Variants in GALNT16 observed in about 807,000 individuals in gnomAD.
GALNT16 encodes polypeptide N-acetylgalactosaminyltransferase 16.
In GALNT16, 40 loss-of-function variants were observed where a neutral mutation model predicts 76.1. That is an observed-to-expected ratio of 0.53 (90% confidence interval 0.41 to 0.68). The LOEUF (loss-of-function observed/expected upper bound fraction) is 0.68. GALNT16 is among the 30% of genes least tolerant of loss of function. The probability of loss-of-function intolerance (pLI) is 0.00; values close to 1 mark genes in which losing one functional copy is unlikely to be tolerated. For missense variants in GALNT16, 621 were observed against 731.9 expected, an observed-to-expected ratio of 0.85 and a Z score of 1.75; for synonymous variants, 276 against 285.2, an observed-to-expected ratio of 0.97 and a Z score of 0.32.
At chr14:69,316,068 T>C (rs1566876896) in intron 1 of GALNT16, among the ~76,000 whole-genome samples, 1 of 152,210 alleles carries the variant, frequency 6.6e-6, no homozygotes, top group Admixed American at 6.5e-5. Context: ...AGTAATGAGA[T>C]TGGCCTAGCC....
At chr14:69,267,666 A>C (rs375050101) in intron 1 of GALNT16, among the ~76,000 whole-genome samples, 22 of 152,284 alleles carry the variant, frequency 1.4e-4, no homozygotes, top group African/African-American at 5.3e-4. Flanking sequence ...GGCTGTCAGC[A>C]GGGGATGGAG....
At chr14:69,291,985 C>T (rs1349187659) in intron 1 of GALNT16, among the ~76,000 whole-genome samples, 1 of 152,166 alleles carries the variant, frequency 6.6e-6, no homozygotes, top group Non-Finnish European at 1.5e-5. Flanking sequence ...TTCAGATACC[C>T]CTCCTGGGCA....
intron 12 of GALNT16, among the ~76,000 whole-genome samples, chr14:69,344,761 A>G (rs1342856557): frequency 6.6e-6 from 1 of 152,208 alleles, no homozygotes; most frequent in Non-Finnish European, 1.5e-5. Context: ...AGGGAGTAGC[A>G]GGGTCTGGAA....
In GALNT16 at chr14:69,261,912, C is replaced by T. The variant is rs755014450; in HGVS notation, c.177+1445C>T. 2.3e-4 allele frequency among the ~76,000 whole-genome samples: 35 copies of T among 152,190 alleles called. No individual in the cohort carries two copies. Among genetic ancestry groups the T allele is most frequent in the Non-Finnish European group, 4.0e-4 (27 of 68,038 alleles). Reference sequence around the variant, plus strand: ...CCTTCTGGGCTGTTCTCCCAGGACACTGTTTCCAAAGCACTTGTCGCCCTT... The same window carrying T: ...CCTTCTGGGCTGTTCTCCCAGGACATTGTTTCCAAAGCACTTGTCGCCCTT... On this transcript the variant is annotated intron_variant, in intron 1 of 14. Coordinates refer to ENST00000448469, the MANE Select transcript of GALNT16 (RefSeq NM_001168368.2). This position sits in a 1 kb window ranked among gnomAD's most constrained non-coding sequence, Gnocchi z 6.4.
chr14:69,310,701 G>C (rs1363475703), intron 1 of GALNT16, among the ~76,000 whole-genome samples: 1 of 152,156 alleles, frequency 6.6e-6, no homozygotes, highest in Non-Finnish European at 1.5e-5. Flanking sequence ...TTTTCTGATG[G>C]AATGAAACTG....
chr14:69,371,504 C>A, the GALNT16 span, among the ~76,000 whole-genome samples: 1 of 151,842 alleles, frequency 6.6e-6, no homozygotes, highest in African/African-American at 2.4e-5. Flanking sequence ...GATCCACCCG[C>A]CTTGGCCTCC....
intron 1 of GALNT16, among the ~76,000 whole-genome samples, chr14:69,317,197 C>A (rs954120733): frequency 3.9e-5 from 6 of 152,174 alleles, no homozygotes; most frequent in African/African-American, 1.4e-4. Context: ...CAGCCAAGTG[C>A]CAAATGATGC....
At chr14:69,326,688 T>A (rs1217265729) in intron 5 of GALNT16, among the ~76,000 whole-genome samples, 1 of 152,198 alleles carries the variant, frequency 6.6e-6, no homozygotes, top group African/African-American at 2.4e-5. Flanking sequence ...AGCAAAGGCA[T>A]CAGTCAGGGG....
At chr14:69,359,818 A>T (rs1044531059), downstream of GALNT16, among the ~76,000 whole-genome samples, 1 of 152,114 alleles carries the variant, frequency 6.6e-6, no homozygotes, top group African/African-American at 2.4e-5. Context: ...CAAGGTCAGG[A>T]GATCGAGACC....
chr14:69,289,052 A>G (rs2044655722), intron 1 of GALNT16, among the ~76,000 whole-genome samples: 1 of 152,084 alleles, frequency 6.6e-6, no homozygotes, highest in East Asian at 1.9e-4. Context: ...TAATTTTTAA[A>G]TTTTTTGTAG....
chr14:69,381,811 C>A, the GALNT16 span, among the ~76,000 whole-genome samples: 1 of 152,138 alleles, frequency 6.6e-6, no homozygotes, highest in African/African-American at 2.4e-5. Flanking sequence ...GCCTCAGCCT[C>A]CTGAGTAGGT....
At chr14:69,325,527 G>C (rs1268025746) in intron 4 of GALNT16, 123 bp downstream of exon 4, 12 of 717,148 alleles carry the variant, frequency 1.7e-5, no homozygotes, top group Non-Finnish European at 3.1e-5. Context: ...CCCCCAGCAG[G>C]GATCCTGTCT....
chr14:69,374,336 TAA>T, the GALNT16 span, among the ~76,000 whole-genome samples: 1 of 152,244 alleles, frequency 6.6e-6, no homozygotes, highest in South Asian at 2.1e-4. Flanking sequence ...CTTCATGTAC[TAA>T]AGTTTATGCT....
rs891201349 is a variant in GALNT16, at chr14:69,352,503, C to T, written c.*335C>T. ...CTGGGACAATAGTGTGTGGTCTCTC[C>T]CTTGTTGCCCGGAGAAAGCAAGGAC... On this transcript the variant is annotated 3_prime_UTR_variant, in exon 15 of 15. Transcript: ENST00000448469. 1 of 212,888 alleles carries T rather than the reference C, an allele frequency of 4.7e-6. No individual in the cohort carries two copies. Among genetic ancestry groups the T allele is most frequent in the African/African-American group, 2.3e-5 (1 of 43,542 alleles). 13.2% of individuals were successfully genotyped at this position (212,888 alleles called of 1,614,324 possible). A position where few individuals can be genotyped will look rare whatever the true frequency, so the allele number is the denominator to read the frequency against.
At chr14:69,370,824 C>T in the GALNT16 span, among the ~76,000 whole-genome samples, 1 of 152,164 alleles carries the variant, frequency 6.6e-6, no homozygotes, top group Non-Finnish European at 1.5e-5. Flanking sequence ...GGCAAAGGAG[C>T]CTCCTGGTGC....
At chr14:69,374,893 G>A in the GALNT16 span, among the ~76,000 whole-genome samples, 1 of 151,946 alleles carries the variant, frequency 6.6e-6, no homozygotes, top group Admixed American at 6.5e-5. Flanking sequence ...CAGGGGGACT[G>A]AACTCACTTT....
the GALNT16 span, among the ~76,000 whole-genome samples, chr14:69,376,239 A>G: frequency 1.6e-4 from 25 of 152,290 alleles, no homozygotes; most frequent in Middle Eastern, 3.4e-3. Flanking sequence ...GTAAATCCAT[A>G]GTAGCCTTAA....
intron 1 of GALNT16, among the ~76,000 whole-genome samples, chr14:69,278,291 G>C (rs893913031): frequency 5.9e-5 from 9 of 152,098 alleles, no homozygotes; most frequent in African/African-American, 2.2e-4. Context: ...TTACAGGCGT[G>C]AGCCACCACA....
At chr14:69,342,554 C>A (rs2045508266) in intron 12 of GALNT16, among the ~76,000 whole-genome samples, 1 of 147,186 alleles carries the variant, frequency 6.8e-6, no homozygotes, top group African/African-American at 2.5e-5. Flanking sequence ...AGGAGAGAAT[C>A]AACAATAGGG....
Sources: allele counts gnomAD v4.1 joint callset (sites outside exome capture counted in the v4.1 genomes callset), GRCh38; gene constraint gnomAD v4.1.1; non-coding constraint Gnocchi (gnomAD v3.1); transcripts MANE v1.5; gene names NCBI Gene and HGNC (gene_info 2026-07-23, HGNC 2026-07-21).